The following HMGA2 variants were observed in gnomAD, a reference collection of about 807,000 sequenced individuals.
HMGA2 encodes high mobility group AT-hook 2.
Under a neutral mutation model 19.1 loss-of-function variants are expected in HMGA2, and 8 were observed. The ratio of observed to expected loss-of-function variants is 0.42; its 90% CI spans 0.25 to 0.76. The LOEUF is 0.76. Ranked by LOEUF, HMGA2 falls within the 30% of genes least tolerant of loss-of-function variation. The pLI is 0.28. For synonymous variants in HMGA2, 60 were observed against 48.8 expected (o/e 1.23, Z -0.96); for missense variants, 109 against 136.3 (o/e 0.80, Z 1.00).
intron 4 of HMGA2, among the ~76,000 whole-genome samples, chr12:65,961,745 G>T (rs927475440): frequency 1.4e-5 from 2 of 144,688 alleles, no homozygotes; most frequent in African/African-American, 5.5e-5. Context: ...TAGAGTGTGT[G>T]TGTGTGTGTG....
intron 3 of HMGA2, among the ~76,000 whole-genome samples, chr12:65,880,100 G>A (rs1264604466): frequency 6.6e-6 from 1 of 152,202 alleles, no homozygotes; most frequent in Non-Finnish European, 1.5e-5. Flanking sequence ...GCTAACGATG[G>A]GAGGTGCCAC....
At chr12:65,924,191 CTTCTT>C in intron 3 of HMGA2, among the ~76,000 whole-genome samples, 1 of 152,220 alleles carries the variant, frequency 6.6e-6, no homozygotes, top group East Asian at 1.9e-4. Context: ...ACTTCCTACT[CTTCTT>C]CATGTTATTG....
At chr12:65,910,615 G>A (rs970667844) in intron 3 of HMGA2, among the ~76,000 whole-genome samples, 4 of 151,906 alleles carry the variant, frequency 2.6e-5, no homozygotes, top group Non-Finnish European at 4.4e-5. Flanking sequence ...CTCTCTGTTC[G>A]GTGTCTGTGG....
At chr12:65,854,293 A>C in intron 3 of HMGA2, among the ~76,000 whole-genome samples, 1 of 152,242 alleles carries the variant, frequency 6.6e-6, no homozygotes, top group Admixed American at 6.5e-5. Context: ...AAATTCTTTA[A>C]ATAAAACTTT....
intron 3 of HMGA2, among the ~76,000 whole-genome samples, chr12:65,903,524 T>C (rs1225912128): frequency 6.6e-6 from 1 of 152,166 alleles, no homozygotes; most frequent in Non-Finnish European, 1.5e-5. Flanking sequence ...AGAATGAACA[T>C]ACTGAGACAT....
chr12:65,956,625 A>T (rs1876613132), intron 4 of HMGA2: 2 of 152,248 alleles, frequency 1.3e-5, no homozygotes, highest in Admixed American at 6.5e-5. Context: ...GAAGTGAAAG[A>T]ACATCAATCA....
intron 3 of HMGA2, among the ~76,000 whole-genome samples, chr12:65,915,728 T>A (rs1182808190): frequency 1.3e-5 from 2 of 152,192 alleles, no homozygotes; most frequent in Non-Finnish European, 2.9e-5. Context: ...TGACTTACAT[T>A]TTTTTGTTTT....
intron 2 of HMGA2, among the ~76,000 whole-genome samples, chr12:65,830,000 G>A (rs1156486578): frequency 6.6e-6 from 1 of 151,944 alleles, no homozygotes; most frequent in Non-Finnish European, 1.5e-5. Flanking sequence ...CAAAACAGAA[G>A]TAGGCTTTCT....
At chr12:65,888,379 C>T (rs556722637) in intron 3 of HMGA2, among the ~76,000 whole-genome samples, 12 of 151,254 alleles carry the variant, frequency 7.9e-5, no homozygotes, top group African/African-American at 2.9e-4. Flanking sequence ...TGCTTGAACC[C>T]GGTAGGTGGA....
chr12:65,834,439 G>T (rs1870615055), intron 2 of HMGA2, among the ~76,000 whole-genome samples: 1 of 152,166 alleles, frequency 6.6e-6, no homozygotes, highest in African/African-American at 2.4e-5. Context: ...TAGTTTTACT[G>T]AACTCTAGAA....
chr12:65,851,534 C>G (rs1246348727), intron 3 of HMGA2: 3 of 301,364 alleles, frequency 1.0e-5, no homozygotes, highest in Admixed American at 4.4e-5. Flanking sequence ...AAACAAAAAC[C>G]AAGAAATTAG....
At chr12:65,877,924 A>T (rs1592413076) in intron 3 of HMGA2, among the ~76,000 whole-genome samples, 1 of 151,972 alleles carries the variant, frequency 6.6e-6, no homozygotes, top group Non-Finnish European at 1.5e-5. Context: ...TTTTGTGAAA[A>T]TTTTTTCTTT....
chr12:65,927,093 G>A (rs10878346), intron 3 of HMGA2, among the ~76,000 whole-genome samples: 43,220 of 151,968 alleles, frequency 0.28, 6,793 homozygotes, highest in African/African-American at 0.4. Context: ...ACACACGGGA[G>A]TTTTATCACT....
intron 3 of HMGA2, among the ~76,000 whole-genome samples, chr12:65,900,943 C>T (rs1874346348): frequency 6.6e-6 from 1 of 152,138 alleles, no homozygotes; most frequent in East Asian, 1.9e-4. Flanking sequence ...GTGTAAAGCT[C>T]ATCATTTCCA....
intron 3 of HMGA2, among the ~76,000 whole-genome samples, chr12:65,864,688 T>C (rs939997462): frequency 3.9e-5 from 6 of 152,232 alleles, no homozygotes; most frequent in African/African-American, 1.2e-4. Context: ...CAAATGATTT[T>C]ATAGTGTTTC....
In HMGA2 at chr12:65,900,280, T is replaced by A. The variant is rs375402945; in HGVS notation, c.250-51103T>A. 5.9e-5 allele frequency among the ~76,000 whole-genome samples: 9 copies of A among 152,276 alleles called. No homozygotes were observed. The East Asian group carries it at 1.5e-3, about 26-fold the overall frequency. The stretch of plus-strand genomic sequence containing the variant: ...TAGGAGGGCCTTAATGCACTCTAAA[T>A]TTGTACATGAAGATTTTGTTAAGAA... On this transcript the variant is annotated intron_variant, in intron 3 of 4. Coordinates refer to ENST00000403681, the MANE Select transcript of HMGA2 (RefSeq NM_003483.6).
intron 3 of HMGA2, among the ~76,000 whole-genome samples, chr12:65,923,624 G>C (rs1360627881): frequency 6.6e-6 from 1 of 152,218 alleles, no homozygotes; most frequent in East Asian, 1.9e-4. Flanking sequence ...ACCTAGAAGA[G>C]TATGGTAGGA....
At chr12:65,915,730 T>G (rs1875075482) in intron 3 of HMGA2, among the ~76,000 whole-genome samples, 1 of 152,198 alleles carries the variant, frequency 6.6e-6, no homozygotes, top group Non-Finnish European at 1.5e-5. Flanking sequence ...ACTTACATTT[T>G]TTTGTTTTGT....
chr12:65,941,828 A>T (rs1876100103), intron 3 of HMGA2, among the ~76,000 whole-genome samples: 1 of 152,218 alleles, frequency 6.6e-6, no homozygotes, highest in African/African-American at 2.4e-5. Flanking sequence ...CTGAGTATTG[A>T]TTCTAAATCT....
Sources: allele counts gnomAD v4.1 joint callset (sites outside exome capture counted in the v4.1 genomes callset), GRCh38; gene constraint gnomAD v4.1.1; transcripts MANE v1.5; gene names NCBI Gene and HGNC (gene_info 2026-07-23, HGNC 2026-07-21).